CELSR1: variants seen among roughly 807,000 people sequenced by gnomAD.
The protein encoded by CELSR1 is cadherin EGF LAG seven-pass G-type receptor 1, also known as adhesion G protein-coupled receptor C1.
Under a neutral mutation model 249.1 loss-of-function variants are expected in CELSR1, and 110 were observed. That is an observed-to-expected ratio of 0.44 (90% CI 0.38 to 0.52). The LOEUF is 0.52. CELSR1 is among the 20% of genes least tolerant of loss of function. CELSR1 has a pLI of 0.00. For synonymous variants in CELSR1, 2,113 were observed against 1,900.0 expected (o/e 1.11, Z -2.92); for missense variants, 4,109 against 4,296.4 (o/e 0.96, Z 1.22).
rs1168708558 is a variant in CELSR1 at position 46,447,597 on chromosome 22, G to C, written c.4184-8186C>G. Among the ~76,000 whole-genome samples the C allele has an allele frequency of 6.6e-6, 1 of 152,184 alleles. No individual in the cohort carries two copies. The highest frequency in any genetic ancestry group is 1.5e-5 in the Non-Finnish European group (1 of 68,034). On this transcript the variant is annotated intron_variant, in intron 2 of 34. Transcript: ENST00000674500. The surrounding 1 kb of genome is among the most constrained non-coding windows in gnomAD (Gnocchi z 4.7). ...AAAAGCTCCCCCTCTCCCCGTAGGAGGGACGCAGGGCTCAGCTTCCTGGCT... is the reference window on the plus strand; with the variant it reads ...AAAAGCTCCCCCTCTCCCCGTAGGACGGACGCAGGGCTCAGCTTCCTGGCT...
At chr22:46,377,314 T>G in intron 23 of CELSR1, 53 bp from the exon 24 acceptor site, 1 of 1,557,070 alleles carries the variant, frequency 6.4e-7, no homozygotes, top group Non-Finnish European at 8.8e-7. Flanking sequence ...GAGGCTCAGA[T>G]CTGGTCATTG....
rs1569226958 is a variant in CELSR1 at position 46,535,891 on chromosome 22, A to G, written c.1280T>C (p.Val427Ala). The change falls in exon 1 of 35, where the codon GTG becomes GCG. Residue 427 changes from valine to alanine, a missense_variant. By Grantham distance (64) the Val-to-Ala change is moderately conservative (BLOSUM62 0). This residue lies in a region of CELSR1 where 673 missense variants were observed against 636.8 expected (regional missense o/e 1.06). Transcript: ENST00000674500. The part of the protein sequence containing the change: ...REEAAEYQLL[V>A]EANDQGRNPG... The stretch of plus-strand genomic sequence containing the variant: ...ATTGCGCCCCTGGTCGTTGGCCTCC[A>G]CCAGGAGCTGGTACTCGGCCGCCTC... 1.2e-6 allele frequency: 2 copies of G among 1,609,398 alleles called. No individual in the cohort carries two copies. Among genetic ancestry groups the G allele is most frequent in the Non-Finnish European group, 1.7e-6 (2 of 1,179,396 alleles).
intron 22 of CELSR1, among the ~76,000 whole-genome samples, 153 bp from the exon 23 acceptor site, chr22:46,378,870 G>A (rs1305985340): frequency 2.6e-5 from 4 of 152,170 alleles, no homozygotes; most frequent in Admixed American, 6.5e-5. Context: ...CAGCGCCCTC[G>A]CAGGCTGCTC....
At chr22:46,493,199 A>G (rs1025870889) in intron 1 of CELSR1, among the ~76,000 whole-genome samples, 7 of 152,138 alleles carry the variant, frequency 4.6e-5, no homozygotes, top group Non-Finnish European at 1.0e-4. Context: ...GCAATGAGCC[A>G]TGATGGCACC....
In CELSR1 at chr22:46,413,113, G is replaced by A. The variant is rs926586337; in HGVS notation, c.4612-1354C>T. 2.6e-5 allele frequency among the ~76,000 whole-genome samples: 4 copies of A among 152,194 alleles called. No homozygotes were observed. The highest frequency in any genetic ancestry group is 2.6e-4 in the Admixed American group (4 of 15,282). ...AATCTCATGCTTCTTTATAAAACGTGGAAATAGATCGTTGTAAAAACGTAG... is the reference window on the plus strand; with the variant it reads ...AATCTCATGCTTCTTTATAAAACGTAGAAATAGATCGTTGTAAAAACGTAG... On this transcript the variant is annotated intron_variant, in intron 5 of 34. Coordinates refer to ENST00000674500, the MANE Select transcript of CELSR1 (RefSeq NM_001378328.1). This position sits in a 1 kb window ranked among gnomAD's most constrained non-coding sequence, Gnocchi z 4.7.
chr22:46,386,349 G>T, intron 19 of CELSR1, 53 bp downstream of exon 19: 1 of 1,452,638 alleles, frequency 6.9e-7, no homozygotes, highest in Non-Finnish European at 9.1e-7. Context: ...CTAGCTCTGG[G>T]GCACACCCCT....
Position 46,488,665 on chromosome 22 carries a change from CTTT to C in CELSR1, c.3545-24323_3545-24321del, listed in dbSNP as rs59440802. Among the ~76,000 whole-genome samples, 1 of 147,554 alleles carries C rather than the reference CTTT, an allele frequency of 6.8e-6. No individual in the cohort carries two copies. On this transcript the variant is annotated intron_variant, in intron 1 of 34. Transcript: ENST00000674500. This position sits in a 1 kb window ranked among gnomAD's most constrained non-coding sequence, Gnocchi z 4.7. ...ACCACTCCCGTGCCACAGCCCTGCC[CTTT>C]TTTTTTTTTGAGACGGAGTCTTGCT...
intron 1 of CELSR1, among the ~76,000 whole-genome samples, chr22:46,510,548 G>A (rs1452237308): frequency 6.6e-6 from 1 of 152,200 alleles, no homozygotes. Context: ...CAGGAGAGGC[G>A]CTGCGGTAAA....
chr22:46,420,332 G>A lies in CELSR1; in HGVS notation c.4612-8573C>T, dbSNP rs550532724. On this transcript the variant is annotated intron_variant, in intron 5 of 34. Coordinates refer to ENST00000674500, the MANE Select transcript of CELSR1 (RefSeq NM_001378328.1). ...CACTCACGTATGCACTCACCCACTCGTGCACTCATGTGCACATTTACCCAC... is the reference window on the plus strand; with the variant it reads ...CACTCACGTATGCACTCACCCACTCATGCACTCATGTGCACATTTACCCAC... 1.2e-3 allele frequency among the ~76,000 whole-genome samples: 180 copies of A among 147,690 alleles called. 6 individuals are homozygous for A. In the South Asian group the frequency reaches 0.035, roughly 28 times the overall value.
rs1009458624 is a variant in CELSR1 at position 46,413,558 on chromosome 22, G to A, written c.4612-1799C>T. Among the ~76,000 whole-genome samples, 4 of 152,220 alleles carry A rather than the reference G, an allele frequency of 2.6e-5. No homozygotes were observed. The highest frequency in any genetic ancestry group is 5.9e-5 in the Non-Finnish European group (4 of 68,040). On this transcript the variant is annotated intron_variant, in intron 5 of 34. Coordinates refer to ENST00000674500, the MANE Select transcript of CELSR1 (RefSeq NM_001378328.1). The surrounding 1 kb of genome is among the most constrained non-coding windows in gnomAD (Gnocchi z 4.7). ...TTGAGGATGATATCAACAGAGATAC[G>A]TGAGTTTCCCACACGCCCTTGTCTG...
intron 27 of CELSR1, 54 bp downstream of exon 27, chr22:46,369,124 CG>C (rs756227474): frequency 6.4e-6 from 10 of 1,565,802 alleles, no homozygotes; most frequent in Non-Finnish European, 7.9e-6. Context: ...GACTGGACGT[CG>C]GGGTCTCAGG....
rs768684899 is a variant in CELSR1 at position 46,463,807 on chromosome 22, C to T, written c.4083G>A (p.Glu1361=). ...CPPGFTGDYC[E]TEIDLCYSDP... ...CGGAGTAGCAGAGGTCGATCTCCGT[C>T]TCGCAGTAGTCGCCGGTGAAGCCGG... The change falls in exon 2 of 35, where the codon GAG becomes GAA. Residue 1361 remains glutamate (E), a synonymous_variant. Coordinates refer to ENST00000674500, the MANE Select transcript of CELSR1 (RefSeq NM_001378328.1). The T allele has an allele frequency of 1.2e-6, 2 of 1,609,668 alleles. No individual in the cohort carries two copies. The highest frequency in any genetic ancestry group is 1.7e-6 in the Non-Finnish European group (2 of 1,178,014).
chr22:46,531,487 T>C (rs1431130056), intron 1 of CELSR1, among the ~76,000 whole-genome samples: 1 of 152,232 alleles, frequency 6.6e-6, no homozygotes, highest in Non-Finnish European at 1.5e-5. Flanking sequence ...ATTACAGGCA[T>C]GAGCCACTGC....
intron 28 of CELSR1, among the ~76,000 whole-genome samples, 183 bp downstream of exon 28, chr22:46,367,546 G>A (rs192998840): frequency 9.2e-5 from 14 of 152,342 alleles, no homozygotes; most frequent in African/African-American, 3.4e-4. Context: ...ACACAGTGGG[G>A]AGGAGGCACC....
At position 46,381,721 on chromosome 22, in the gene CELSR1, G is replaced by T; in HGVS notation, c.7088+125C>A. 1.1e-6 allele frequency: 1 copy of T among 915,488 alleles called. No homozygotes were observed. The highest frequency in any genetic ancestry group is 1.6e-6 in the Non-Finnish European group (1 of 617,822). 56.7% of individuals were successfully genotyped at this position (915,488 alleles called of 1,614,324 possible). ...ACAAGGCAATGGTCTCTGTCTCTGG[G>T]CCAGGGTCACGGTGAAATGTCACTG... On this transcript the variant is annotated intron_variant, in intron 21 of 34. Coordinates refer to ENST00000674500, the MANE Select transcript of CELSR1 (RefSeq NM_001378328.1). This position sits in a 1 kb window ranked among gnomAD's most constrained non-coding sequence, Gnocchi z 6.0.
intron 1 of CELSR1, among the ~76,000 whole-genome samples, chr22:46,501,812 G>A (rs1012739866): frequency 6.6e-6 from 1 of 152,186 alleles, no homozygotes; most frequent in Non-Finnish European, 1.5e-5. Context: ...TTCCCGAAGA[G>A]TTCCCCCGCT....
At chr22:46,364,459 T>C (rs982417156) in intron 33 of CELSR1, 53 bp downstream of exon 33, 3 of 1,563,926 alleles carry the variant, frequency 1.9e-6, no homozygotes, top group Non-Finnish European at 2.6e-6. Context: ...GACCAGGGAC[T>C]GGCCCTTCTG....
intron 1 of CELSR1, among the ~76,000 whole-genome samples, chr22:46,516,775 C>T (rs1223586149): frequency 1.3e-5 from 2 of 152,148 alleles, no homozygotes; most frequent in East Asian, 3.9e-4. Flanking sequence ...CCCAGGCACA[C>T]GACTCTCTCA....
chr22:46,463,544 G>A (rs907238780), intron 2 of CELSR1, among the ~76,000 whole-genome samples, 163 bp downstream of exon 2: 6 of 145,584 alleles, frequency 4.1e-5, no homozygotes, highest in South Asian at 4.3e-4. Context: ...AAAAAGTACC[G>A]TTACTGAGAT....
Sources: gnomAD v4.1 joint callset for allele counts (sites outside exome capture counted in the v4.1 genomes callset) on GRCh38, gnomAD v4.1.1 for gene constraint, gnomAD v4.1.1 regional missense constraint, Gnocchi (gnomAD v3.1) non-coding constraint, MANE v1.5 for transcripts, NCBI Gene and HGNC (gene_info 2026-07-23, HGNC 2026-07-21) for gene names.